Variants in NR3C1 observed in about 807,000 individuals in gnomAD.
NR3C1 encodes glucocorticoid receptor.
In NR3C1, 14 loss-of-function variants were observed where a neutral mutation model predicts 74.0. The ratio of observed to expected loss-of-function variants is 0.19; its 90% CI spans 0.12 to 0.30. The LOEUF is 0.30. Ranked by LOEUF, NR3C1 falls within the 10% of genes least tolerant of loss-of-function variation. The pLI is 1.00. For missense variants in NR3C1, 695 were observed against 909.8 expected (o/e 0.76, Z 3.04); for synonymous variants, 308 against 332.5 (o/e 0.93, Z 0.80).
chr5:143,283,495 T>A (rs1018539542), intron 7 of NR3C1, among the ~76,000 whole-genome samples: 3 of 152,222 alleles, frequency 2.0e-5, no homozygotes, highest in Non-Finnish European at 4.4e-5. Context: ...AGTACTGAGA[T>A]AGATAGAAGG....
chr5:143,297,518 C>A (rs1291675641), intron 6 of NR3C1, among the ~76,000 whole-genome samples: 1 of 151,968 alleles, frequency 6.6e-6, no homozygotes, highest in Non-Finnish European at 1.5e-5. Flanking sequence ...ATATATTTAC[C>A]AGTTAATTTA....
intron 2 of NR3C1, among the ~76,000 whole-genome samples, chr5:143,377,812 T>C (rs1835482033): frequency 1.3e-5 from 2 of 152,254 alleles, no homozygotes; most frequent in Non-Finnish European, 1.5e-5. Flanking sequence ...AGTCTTTCTT[T>C]ACTAGTCCAT....
At chr5:143,334,229 A>G (rs1361608727) in intron 2 of NR3C1, among the ~76,000 whole-genome samples, 1 of 152,036 alleles carries the variant, frequency 6.6e-6, no homozygotes, top group Non-Finnish European at 1.5e-5. Context: ...TAAAAATACA[A>G]AAATTAGCCG....
chr5:143,403,309 T>C lies in NR3C1; in HGVS notation c.-112A>G, dbSNP rs988331997. 1.0e-6 allele frequency: 1 copy of C among 984,508 alleles called. No individual in the cohort carries two copies. The highest frequency in any genetic ancestry group is 1.8e-5 in the African/African-American group (1 of 56,604). The allele number at this position is 984,508 out of a possible 1,614,324, so 61.0% of individuals were successfully genotyped here. ...GAACGCAGAAGGAGCAGGAGGGAAA[T>C]ATATTTTTTTTTTCTAAAAAAAGGA... On this transcript the variant is annotated 5_prime_UTR_variant, in exon 1 of 9. In the 5' UTR this introduces an upstream ATG that the reference lacks. Coordinates refer to ENST00000394464, the MANE Select transcript of NR3C1 (RefSeq NM_000176.3).
intron 1 of NR3C1, among the ~76,000 whole-genome samples, chr5:143,423,997 G>A (rs919380709): frequency 3.7e-5 from 5 of 136,796 alleles, no homozygotes; most frequent in Admixed American, 8.2e-5. Context: ...TCACTCGTAG[G>A]TGGGAATTGA....
At chr5:143,345,510 T>C (rs1829112469) in intron 2 of NR3C1, among the ~76,000 whole-genome samples, 1 of 152,146 alleles carries the variant, frequency 6.6e-6, no homozygotes, top group Admixed American at 6.6e-5. Flanking sequence ...GTGCCTGGCC[T>C]ACAAATTAAT....
intron 1 of NR3C1, among the ~76,000 whole-genome samples, chr5:143,415,861 CT>C (rs1316699692): frequency 6.6e-6 from 1 of 152,180 alleles, no homozygotes; most frequent in Non-Finnish European, 1.5e-5. Context: ...TCCACTACAG[CT>C]CATTTTCTAC....
chr5:143,285,970 TA>T (rs200720817), intron 7 of NR3C1, among the ~76,000 whole-genome samples: 4,147 of 81,828 alleles, frequency 0.051, 170 homozygotes, highest in African/African-American at 0.13. Flanking sequence ...CCAGACTGAT[TA>T]AAAAAAAAAA....
At chr5:143,299,707 A>T (rs1818102299) in intron 5 of NR3C1, among the ~76,000 whole-genome samples, 2 of 151,992 alleles carry the variant, frequency 1.3e-5, no homozygotes, top group Middle Eastern at 3.4e-3. Flanking sequence ...TGTACCCCCT[A>T]AATATAAATA....
In NR3C1 at chr5:143,281,119, C is replaced by CTTTTTTT. The variant is rs34248080; in HGVS notation, c.*763_*769dup. On this transcript the variant is annotated 3_prime_UTR_variant, in exon 9 of 9. Coordinates refer to ENST00000394464, the MANE Select transcript of NR3C1 (RefSeq NM_000176.3). ...GAAGCAGATATATACAAAATATGAG[C>CTTTTTTT]TTTTTTTTTTTTTTTTTTGACAAGA... is the stretch of plus-strand genomic sequence containing the variant. 2.5e-5 allele frequency: 3 copies of CTTTTTTT among 120,042 alleles called. No individual in the cohort carries two copies. Among genetic ancestry groups the CTTTTTTT allele is most frequent in the Non-Finnish European group, 5.2e-5 (3 of 58,102 alleles). The allele number at this position is 120,042 out of a possible 1,614,324, so 7.4% of individuals were successfully genotyped here. A position where few individuals can be genotyped will look rare whatever the true frequency, so the allele number is the denominator to read the frequency against.
chr5:143,391,988 C>G (rs906788060), intron 2 of NR3C1, among the ~76,000 whole-genome samples: 2 of 150,658 alleles, frequency 1.3e-5, no homozygotes, highest in South Asian at 2.1e-4. Context: ...TTTTTTGAGA[C>G]GGAGACTCGC....
chr5:143,408,140 A>C (rs1561807527), upstream of NR3C1, among the ~76,000 whole-genome samples: 1 of 152,188 alleles, frequency 6.6e-6, no homozygotes, highest in African/African-American at 2.4e-5. Flanking sequence ...CTGGAGTTCC[A>C]TGTCTTCTTT....
At chr5:143,351,128 A>G (rs1362472735) in intron 2 of NR3C1, among the ~76,000 whole-genome samples, 1 of 152,198 alleles carries the variant, frequency 6.6e-6, no homozygotes, top group Admixed American at 6.5e-5. Context: ...GACTCATATA[A>G]CTGCCTTCGT....
At chr5:143,353,202 G>A (rs1830516380) in intron 2 of NR3C1, among the ~76,000 whole-genome samples, 1 of 152,002 alleles carries the variant, frequency 6.6e-6, no homozygotes, top group South Asian at 2.1e-4. Flanking sequence ...TCACATTTTC[G>A]GGCTCCACTT....
chr5:143,336,810 C>T (rs1329882984), intron 2 of NR3C1, among the ~76,000 whole-genome samples: 2 of 151,548 alleles, frequency 1.3e-5, no homozygotes, highest in Admixed American at 1.3e-4. Flanking sequence ...ATGGCGAAAC[C>T]CTGTTTCTAT....
chr5:143,286,617 C>CA (rs1011226539), intron 7 of NR3C1, among the ~76,000 whole-genome samples: 1 of 151,978 alleles, frequency 6.6e-6, no homozygotes, highest in Admixed American at 6.6e-5. Context: ...TCACAAGGGT[C>CA]AACTACATAC....
At chr5:143,393,767 T>C (rs1198216542) in intron 2 of NR3C1, among the ~76,000 whole-genome samples, 1 of 152,114 alleles carries the variant, frequency 6.6e-6, no homozygotes, top group Non-Finnish European at 1.5e-5. Flanking sequence ...GTGAATTGTA[T>C]CATTTCATAA....
upstream of NR3C1, chr5:143,403,811 G>A (rs961057450): frequency 2.6e-5 from 25 of 974,774 alleles, no homozygotes; most frequent in African/African-American, 3.9e-4. Context: ...GCAACTGCAG[G>A]GGCGCCCGCG....
chr5:143,356,548 G>A (rs1385098941), intron 2 of NR3C1, among the ~76,000 whole-genome samples: 1 of 152,012 alleles, frequency 6.6e-6, no homozygotes, highest in African/African-American at 2.4e-5. Flanking sequence ...AGTCTGGACT[G>A]TCCCTTTCCT....
Sources: gnomAD v4.1 joint callset for allele counts (sites outside exome capture counted in the v4.1 genomes callset) on GRCh38, gnomAD v4.1.1 for gene constraint, MANE v1.5 for transcripts, NCBI Gene and HGNC (gene_info 2026-07-23, HGNC 2026-07-21) for gene names.